Variants in ZNF407 observed in about 807,000 individuals in gnomAD.
The protein encoded by ZNF407 is zinc finger protein 407.
A neutral mutation model predicts 131.2 loss-of-function variants in ZNF407; 17 were observed. The observed-to-expected ratio is 0.13, with a 90% CI of 0.09 to 0.19. The LOEUF is 0.19. Ranked by LOEUF, ZNF407 falls within the 10% of genes least tolerant of loss-of-function variation. The probability of loss-of-function intolerance (pLI) is 1.00; values close to 1 mark genes in which losing one functional copy is unlikely to be tolerated. For missense variants in ZNF407, 2,681 were observed against 2,830.6 expected (o/e 0.95, Z 1.20); for synonymous variants, 1,156 against 1,062.0 (o/e 1.09, Z -1.72).
intron 3 of ZNF407, among the ~76,000 whole-genome samples, chr18:74,732,319 A>C (rs972866548): frequency 1.3e-5 from 2 of 152,154 alleles, no homozygotes; most frequent in Non-Finnish European, 2.9e-5. Context: ...ACCAGGGTTC[A>C]CTACAAGTAC....
intron 4 of ZNF407, among the ~76,000 whole-genome samples, chr18:74,835,382 T>A (rs1222532133): frequency 6.6e-6 from 1 of 152,180 alleles, no homozygotes; most frequent in Non-Finnish European, 1.5e-5. Flanking sequence ...GTGGTCAGTG[T>A]TGCACAAGGT....
chr18:74,741,533 A>T (rs528129882), intron 3 of ZNF407, among the ~76,000 whole-genome samples: 1 of 152,286 alleles, frequency 6.6e-6, no homozygotes, highest in East Asian at 1.9e-4. Flanking sequence ...AATAAAATTG[A>T]TGAAAGGATG....
At position 74,983,117 on chromosome 18, in the gene ZNF407, A is replaced by G. The variant is rs142515755; in HGVS notation, c.5428+62425A>G. On this transcript the variant is annotated intron_variant, in intron 8 of 8. Transcript: ENST00000299687. ...AAAGTGTGGCAGAAAACACTTTCCT[A>G]TTGTTTTAATAACTAATTCCATGAT... 1.3e-3 allele frequency among the ~76,000 whole-genome samples: 200 copies of G among 152,310 alleles called. 1 individual carries two copies. The highest frequency in any genetic ancestry group is 4.5e-3 in the African/African-American group (187 of 41,574).
At chr18:74,776,202 G>T (rs1969468024) in intron 3 of ZNF407, among the ~76,000 whole-genome samples, 1 of 152,208 alleles carries the variant, frequency 6.6e-6, no homozygotes, top group Admixed American at 6.5e-5. Context: ...CTTCTGCCTT[G>T]TGTGGACACA....
rs75346067 is a variant in ZNF407 at position 74,885,463 on chromosome 18, T to C, written c.5128+4344T>C. On this transcript the variant is annotated intron_variant, in intron 6 of 8. Transcript: ENST00000299687. ...AATCCAAATCCCATCAGGCTATTTT[T>C]CTTAAAGATACCGACAAGCTGATAT... Among the ~76,000 whole-genome samples the C allele has an allele frequency of 5.9e-3, 891 of 152,294 alleles. 5 individuals carry two copies. The highest frequency in any genetic ancestry group is 0.02 in the African/African-American group (837 of 41,560).
At chr18:74,645,431 G>A (rs757364867) in intron 3 of ZNF407, among the ~76,000 whole-genome samples, 4 of 151,976 alleles carry the variant, frequency 2.6e-5, no homozygotes, top group South Asian at 2.1e-4. Flanking sequence ...CCTAAGTCTC[G>A]TCTTGATTCT....
At chr18:74,896,820 A>G (rs552656924) in intron 7 of ZNF407, among the ~76,000 whole-genome samples, 14 of 152,190 alleles carry the variant, frequency 9.2e-5, no homozygotes, top group Non-Finnish European at 1.3e-4. Context: ...CAGGTGTTCT[A>G]TAATGAAGTG....
chr18:74,651,754 G>A (rs545166956), intron 3 of ZNF407, among the ~76,000 whole-genome samples: 22 of 152,130 alleles, frequency 1.4e-4, no homozygotes, highest in Non-Finnish European at 2.6e-4. Flanking sequence ...ATATAAAGCC[G>A]AGGTGATCCT....
Position 75,065,635 on chromosome 18 carries a change from CTGTTTT to C in ZNF407, c.*1168_*1173del, listed in dbSNP as rs1458432447. ...TGCAAAGGTTGTTTTTGTTCTGTTTCTGTTTTCTTTGAAATAAAATTATAACGTTAA... is the reference window on the plus strand; with the variant it reads ...TGCAAAGGTTGTTTTTGTTCTGTTTCCTTTGAAATAAAATTATAACGTTAA... On this transcript the variant is annotated 3_prime_UTR_variant, in exon 9 of 9. Transcript: ENST00000299687. 6.6e-6 allele frequency: 1 copy of C among 152,230 alleles called. No homozygotes were observed. Among genetic ancestry groups the C allele is most frequent in the African/African-American group, 2.4e-5 (1 of 41,462 alleles). 9.4% of individuals were successfully genotyped at this position (152,230 alleles called of 1,614,324 possible).
intron 8 of ZNF407, among the ~76,000 whole-genome samples, chr18:74,985,655 C>T (rs982503826): frequency 5.3e-5 from 8 of 152,156 alleles, no homozygotes; most frequent in Non-Finnish European, 7.3e-5. Context: ...GAGGATCGAG[C>T]AGAAGGGACC....
intron 8 of ZNF407, among the ~76,000 whole-genome samples, chr18:75,053,621 T>C (rs1002781465): frequency 5.9e-5 from 9 of 152,240 alleles, no homozygotes; most frequent in African/African-American, 1.9e-4. Flanking sequence ...TCTGCAACTT[T>C]CAAGAGGAAT....
intron 3 of ZNF407, among the ~76,000 whole-genome samples, chr18:74,657,727 T>G (rs1045167419): frequency 5.9e-5 from 9 of 152,148 alleles, no homozygotes; most frequent in African/African-American, 2.2e-4. Flanking sequence ...AGCAGCAGTG[T>G]TTACGCTGTA....
intron 3 of ZNF407, among the ~76,000 whole-genome samples, chr18:74,662,290 A>G (rs1442838904): frequency 6.6e-6 from 1 of 152,168 alleles, no homozygotes; most frequent in African/African-American, 2.4e-5. Context: ...GTAGAGTGAT[A>G]TGATCCATAA....
intron 3 of ZNF407, among the ~76,000 whole-genome samples, chr18:74,767,487 G>C (rs1969261553): frequency 6.6e-6 from 1 of 151,752 alleles, no homozygotes; most frequent in Admixed American, 6.6e-5. Context: ...ATCCTATTGT[G>C]TTCTAATTTT....
intron 1 of ZNF407, among the ~76,000 whole-genome samples, chr18:74,630,740 C>T (rs1336397054): frequency 4.0e-5 from 6 of 151,874 alleles, no homozygotes; most frequent in Admixed American, 3.9e-4. Context: ...ACTTTTTCTA[C>T]CAAAGATACC....
At chr18:74,721,860 C>T (rs538358509) in intron 3 of ZNF407, among the ~76,000 whole-genome samples, 2 of 152,124 alleles carry the variant, frequency 1.3e-5, no homozygotes, top group Admixed American at 1.3e-4. Context: ...CTTTACTTCC[C>T]CTTTATTATT....
intron 8 of ZNF407, among the ~76,000 whole-genome samples, chr18:75,004,248 G>C (rs1247733501): frequency 1.3e-5 from 2 of 152,168 alleles, no homozygotes; most frequent in African/African-American, 4.8e-5. Flanking sequence ...AGCGTCTCTA[G>C]GACATACCTA....
At position 74,727,568 on chromosome 18, in the gene ZNF407, G is replaced by A. The variant is rs182641118; in HGVS notation, c.4803-53860G>A. On this transcript the variant is annotated intron_variant, in intron 3 of 8. Coordinates refer to ENST00000299687, the MANE Select transcript of ZNF407 (RefSeq NM_017757.3). The stretch of plus-strand genomic sequence containing the variant: ...ACACAGGGGCTCGAATGAAGTCTCC[G>A]AGTAGCTTTATGTTAGTGTTTTGCC... 6.5e-4 allele frequency among the ~76,000 whole-genome samples: 99 copies of A among 152,278 alleles called. 1 individual carries two copies. In the East Asian group the frequency reaches 0.01, roughly 15 times the overall value.
intron 7 of ZNF407, among the ~76,000 whole-genome samples, chr18:74,902,040 G>A (rs1453265782): frequency 1.3e-5 from 2 of 152,144 alleles, no homozygotes; most frequent in African/African-American, 4.8e-5. Flanking sequence ...ACTCACATGA[G>A]CCATAGAAGG....
Sources: allele counts gnomAD v4.1 joint callset (sites outside exome capture counted in the v4.1 genomes callset), GRCh38; gene constraint gnomAD v4.1.1; transcripts MANE v1.5; gene names NCBI Gene and HGNC (gene_info 2026-07-23, HGNC 2026-07-21).